The following SEM1 variants were observed in gnomAD, a reference collection of about 807,000 sequenced individuals.
SEM1 encodes the protein 26S proteasome complex subunit SEM1.
A neutral mutation model predicts 12.7 loss-of-function variants in SEM1; 3 were observed. The ratio of observed to expected loss-of-function variants is 0.24; its 90% CI spans 0.11 to 0.61. The LOEUF (loss-of-function observed/expected upper bound fraction) is 0.61. Among genes scored for constraint, SEM1 ranks in the 20% least tolerant of loss-of-function variants. The pLI, the probability that SEM1 is intolerant of heterozygous loss-of-function variation, is 0.88. For synonymous variants in SEM1, 30 were observed against 27.8 expected, an observed-to-expected ratio of 1.08 and a Z score of -0.25; for missense variants, 59 against 81.3, an observed-to-expected ratio of 0.73 and a Z score of 1.06.
chr7:96,557,946 C>T (rs1032304985), intron 2 of SEM1, among the ~76,000 whole-genome samples: 4 of 152,092 alleles, frequency 2.6e-5, no homozygotes, highest in Admixed American at 2.0e-4. Context: ...TGGGAGTGAC[C>T]CGATTTTCCA....
chr7:96,541,477 C>T (rs1227614646), intron 2 of SEM1, among the ~76,000 whole-genome samples: 7 of 91,188 alleles, frequency 7.7e-5, no homozygotes, highest in Admixed American at 4.2e-4. Flanking sequence ...TGTTTAAGTT[C>T]CTTATAGATT....
intron 1 of SEM1, among the ~76,000 whole-genome samples, chr7:96,494,582 C>T (rs901283728): frequency 2.0e-5 from 3 of 152,152 alleles, no homozygotes; most frequent in Non-Finnish European, 4.4e-5. Flanking sequence ...ACCCCAGAAT[C>T]TGGCATGCCC....
chr7:96,615,241 C>CTTTTTTTTTTTTTTTTTTTT (rs60940244), intron 2 of SEM1, among the ~76,000 whole-genome samples: 21 of 126,456 alleles, frequency 1.7e-4, no homozygotes, highest in African/African-American at 5.7e-4. Flanking sequence ...TTTGAGTCAT[C>CTTTTTTTTTTTTTTTTTTTT]TTTTTTTTTT....
At chr7:96,538,982 T>C (rs1041549343) in intron 2 of SEM1, among the ~76,000 whole-genome samples, 8 of 151,890 alleles carry the variant, frequency 5.3e-5, no homozygotes, top group East Asian at 1.9e-4. Context: ...ATAAAATCCA[T>C]GATCCCCTTA....
At chr7:96,666,637 ATTTTT>A (rs201188530) in intron 2 of SEM1, among the ~76,000 whole-genome samples, 1 of 134,526 alleles carries the variant, frequency 7.4e-6, no homozygotes, top group East Asian at 2.2e-4. Context: ...ATTGAATCCA[ATTTTT>A]TTTTTTTTTT....
intron 2 of SEM1, among the ~76,000 whole-genome samples, chr7:96,582,272 A>T (rs1479445265): frequency 1.3e-5 from 2 of 148,204 alleles, no homozygotes; most frequent in African/African-American, 5.0e-5. Flanking sequence ...GCTGGATTAC[A>T]TTTATTGATT....
downstream of SEM1, chr7:96,622,464 G>T: frequency 1.7e-6 from 1 of 575,520 alleles, no homozygotes; most frequent in Non-Finnish European, 3.1e-6. Context: ...TATCAGTGCA[G>T]TTTCTAAATA....
At chr7:96,613,942 G>T (rs530322709) in intron 2 of SEM1, among the ~76,000 whole-genome samples, 49 of 152,230 alleles carry the variant, frequency 3.2e-4, no homozygotes, top group African/African-American at 1.1e-3. Flanking sequence ...AAATCCATTT[G>T]TCCATCAATG....
chr7:96,579,033 G>T (rs1806297578), intron 2 of SEM1, among the ~76,000 whole-genome samples: 2 of 152,166 alleles, frequency 1.3e-5, no homozygotes. Context: ...AAAACTGTGA[G>T]AATTCGTCTC....
chr7:96,500,420 CA>C (rs2117261466), upstream of SEM1, among the ~76,000 whole-genome samples: 1 of 152,184 alleles, frequency 6.6e-6, no homozygotes, highest in South Asian at 2.1e-4. Context: ...AAATATGTCT[CA>C]CGAATGTAAC....
intron 2 of SEM1, among the ~76,000 whole-genome samples, chr7:96,545,052 C>T (rs1805065181): frequency 6.6e-6 from 1 of 151,956 alleles, no homozygotes; most frequent in Non-Finnish European, 1.5e-5. Flanking sequence ...CATAACTTAC[C>T]ATTGGCTCAT....
chr7:96,583,490 A>G (rs1363456688), intron 2 of SEM1, among the ~76,000 whole-genome samples: 1 of 148,826 alleles, frequency 6.7e-6, no homozygotes, highest in Non-Finnish European at 1.5e-5. Flanking sequence ...TATTAGGTCC[A>G]CTTGGTGCAG....
intron 2 of SEM1, among the ~76,000 whole-genome samples, chr7:96,541,731 T>A (rs900561971): frequency 3.3e-5 from 5 of 151,756 alleles, no homozygotes; most frequent in African/African-American, 1.2e-4. Context: ...TTTGAAGTTT[T>A]ATATTTAAAC....
chr7:96,531,633 A>T (rs1804645941), intron 2 of SEM1, among the ~76,000 whole-genome samples: 1 of 151,792 alleles, frequency 6.6e-6, no homozygotes, highest in Non-Finnish European at 1.5e-5. Flanking sequence ...GGAAATGCAC[A>T]ATAATTATTC....
chr7:96,544,378 T>C (rs1323651842), intron 2 of SEM1, among the ~76,000 whole-genome samples: 2 of 152,024 alleles, frequency 1.3e-5, no homozygotes, highest in East Asian at 1.9e-4. Flanking sequence ...CTTTTTTAAA[T>C]AGGATTTTTA....
chr7:96,694,752 T>C (rs1485116724), intron 2 of SEM1, 46 bp downstream of exon 2: 2 of 1,209,168 alleles, frequency 1.7e-6, no homozygotes, highest in Admixed American at 3.5e-5. Flanking sequence ...TATTCCATGC[T>C]TATAATTAAT....
chr7:96,608,088 T>G (rs1396845245), intron 2 of SEM1, among the ~76,000 whole-genome samples: 1 of 152,212 alleles, frequency 6.6e-6, no homozygotes, highest in African/African-American at 2.4e-5. Flanking sequence ...AGAAAGCCCT[T>G]AGCATCGTCT....
At chr7:96,632,737 A>C (rs1321567397) in intron 2 of SEM1, among the ~76,000 whole-genome samples, 2 of 149,468 alleles carry the variant, frequency 1.3e-5, no homozygotes, top group Admixed American at 6.6e-5. Flanking sequence ...GTGAATGCTC[A>C]CCTGATTTTT....
intron 2 of SEM1, among the ~76,000 whole-genome samples, chr7:96,554,442 T>C (rs1323528924): frequency 7.2e-6 from 1 of 139,244 alleles, no homozygotes; most frequent in East Asian, 2.1e-4. Context: ...TTTCTGCATC[T>C]ATTGAGATAA....
Sources: gnomAD v4.1 joint callset for allele counts (sites outside exome capture counted in the v4.1 genomes callset) on GRCh38, gnomAD v4.1.1 for gene constraint, MANE v1.5 for transcripts, NCBI Gene and HGNC (gene_info 2026-07-23, HGNC 2026-07-21) for gene names.